Variants in PHACTR2 observed in about 807,000 individuals in gnomAD.
PHACTR2 encodes chromosome 6 open reading frame 56.
PHACTR2 carries 30 observed loss-of-function variants against 76.0 expected under a neutral mutation model. That is an observed-to-expected ratio of 0.39 (90% confidence interval 0.30 to 0.54). The LOEUF is 0.54. Among genes scored for constraint, PHACTR2 ranks in the 20% least tolerant of loss-of-function variants. The pLI is 0.61. For synonymous variants in PHACTR2, 292 were observed against 292.5 expected (o/e 1.00, Z 0.02); for missense variants, 696 against 781.1 (o/e 0.89, Z 1.30).
At position 143,806,973 on chromosome 6, in the gene PHACTR2, G is replaced by A; in HGVS notation, c.1846-84G>A. 16 of 618,876 alleles carry A rather than the reference G, an allele frequency of 2.6e-5. No homozygotes were observed. The highest frequency in any genetic ancestry group is 6.9e-5 in the South Asian group (3 of 43,576). 38.3% of individuals were successfully genotyped at this position (618,876 alleles called of 1,614,324 possible). On this transcript the variant is annotated intron_variant, in intron 11 of 12. Coordinates refer to ENST00000440869, the MANE Select transcript of PHACTR2 (RefSeq NM_001100164.2). The surrounding 1 kb of genome is among the most constrained non-coding windows in gnomAD (Gnocchi z 5.8). ...CTCTATCTCTTAAAAAAAAAAAAAAGGTCTGCTTCATTGATGCTGTATATA... is the reference window on the plus strand; with the variant it reads ...CTCTATCTCTTAAAAAAAAAAAAAAAGTCTGCTTCATTGATGCTGTATATA...
At chr6:143,705,397 C>T (rs894092607) in intron 1 of PHACTR2, among the ~76,000 whole-genome samples, 2 of 149,670 alleles carry the variant, frequency 1.3e-5, no homozygotes, top group Non-Finnish European at 3.0e-5. Context: ...CGGGTTCACG[C>T]CATTCTCCTG....
At position 143,680,466 on chromosome 6, in the gene PHACTR2, G is replaced by A. The variant is rs1005395676; in HGVS notation, c.46+2257G>A. ...CAGAGTTTAATTATTCATACTTATC[G>A]CTCAATTTGGCCTTTTGTAAAAATC... On this transcript the variant is annotated intron_variant, in intron 1 of 12. Coordinates refer to ENST00000440869, the MANE Select transcript of PHACTR2 (RefSeq NM_001100164.2). This position sits in a 1 kb window ranked among gnomAD's most constrained non-coding sequence, Gnocchi z 4.5. Among the ~76,000 whole-genome samples, 6 of 152,182 alleles carry A rather than the reference G, an allele frequency of 3.9e-5. No individual in the cohort carries two copies. In the South Asian group the frequency reaches 1.2e-3, roughly 32 times the overall value.
intron 2 of PHACTR2, among the ~76,000 whole-genome samples, chr6:143,719,812 A>C (rs1778398127): frequency 7.5e-5 from 6 of 80,140 alleles, no homozygotes; most frequent in East Asian, 3.2e-4. Flanking sequence ...TGTGTTCGAC[A>C]CTTTTTTTTT....
Position 143,658,513 on chromosome 6 carries a change from T to C in PHACTR2, c.13+50191T>C, listed in dbSNP as rs1323380757. ...TGATTTTGTCATTGTGTAAACATGA[T>C]AGAGTGTATTTTAACAAACCTGGAT... On this transcript the variant is annotated intron_variant, in intron 1 of 11. Coordinates refer to the PHACTR2 transcript ENST00000305766. The surrounding 1 kb of genome is among the most constrained non-coding windows in gnomAD (Gnocchi z 4.1). Among the ~76,000 whole-genome samples the C allele has an allele frequency of 6.6e-6, 1 of 152,176 alleles. No homozygotes were observed. Among genetic ancestry groups the C allele is most frequent in the Non-Finnish European group, 1.5e-5 (1 of 68,034 alleles).
rs1417992060 is a variant in PHACTR2, at chr6:143,583,673, ATT to A, written c.217+46469_217+46470del. Among the ~76,000 whole-genome samples, 6 of 152,204 alleles carry A rather than the reference ATT, an allele frequency of 3.9e-5. No homozygotes were observed. In the East Asian group the frequency reaches 1.2e-3, roughly 29 times the overall value. ...TAATTTTCCCAGAACTGATAGCTTG[ATT>A]TTGCCAGTTATACACCCAAAGACTT... On this transcript the variant is annotated intron_variant, in intron 1 of 11. Coordinates refer to the PHACTR2 transcript ENST00000367584. The surrounding 1 kb of genome is among the most constrained non-coding windows in gnomAD (Gnocchi z 4.0).
intron 2 of PHACTR2, among the ~76,000 whole-genome samples, chr6:143,712,835 A>T (rs1453570386): frequency 1.3e-5 from 2 of 152,156 alleles, no homozygotes; most frequent in Non-Finnish European, 2.9e-5. Flanking sequence ...TTTGATTGTT[A>T]ATTTAGTTTG....
At position 143,672,369 on chromosome 6, in the gene PHACTR2, G is replaced by C. The variant is rs979322702; in HGVS notation, c.14-39647G>C. On this transcript the variant is annotated intron_variant, in intron 1 of 11. Transcript: ENST00000305766. The surrounding 1 kb of genome is among the most constrained non-coding windows in gnomAD (Gnocchi z 5.8). ...CCAGCTACTCTGGAGGCTGAGGTGG[G>C]AGGATTGCTTGAGCCCAGGAGTTCA... 5.3e-5 allele frequency among the ~76,000 whole-genome samples: 8 copies of C among 152,182 alleles called. No individual in the cohort carries two copies. The highest frequency in any genetic ancestry group is 1.9e-4 in the African/African-American group (8 of 41,524).
chr6:143,551,636 G>A (rs1217492612), intron 1 of PHACTR2, among the ~76,000 whole-genome samples: 1 of 152,096 alleles, frequency 6.6e-6, no homozygotes, highest in African/African-American at 2.4e-5. Context: ...GTTGAACATA[G>A]GGACCTCCTT....
At chr6:143,721,092 A>C (rs1404603620) in intron 2 of PHACTR2, among the ~76,000 whole-genome samples, 1 of 152,212 alleles carries the variant, frequency 6.6e-6, no homozygotes, top group Non-Finnish European at 1.5e-5. Context: ...ATCAAACCAA[A>C]AGTCAGAAAG....
At chr6:143,729,767 T>C (rs1247768054) in intron 2 of PHACTR2, among the ~76,000 whole-genome samples, 3 of 152,204 alleles carry the variant, frequency 2.0e-5, no homozygotes, top group African/African-American at 7.2e-5. Context: ...TTGTCAGATA[T>C]GTTACTTGGT....
chr6:143,622,735 T>TG (rs1562250991), intron 1 of PHACTR2, among the ~76,000 whole-genome samples: 1 of 152,016 alleles, frequency 6.6e-6, no homozygotes, highest in Non-Finnish European at 1.5e-5. Flanking sequence ...CTTGATTTTT[T>TG]TGTGTGTGTG....
chr6:143,744,130 T>C (rs1160589027), intron 2 of PHACTR2, among the ~76,000 whole-genome samples: 1 of 152,178 alleles, frequency 6.6e-6, no homozygotes, highest in African/African-American at 2.4e-5. Context: ...CCTTCTTCAG[T>C]GCATACAGAG....
chr6:143,800,296 C>G lies in PHACTR2; in HGVS notation c.1846-6761C>G, dbSNP rs933060977. 6.6e-6 allele frequency among the ~76,000 whole-genome samples: 1 copy of G among 152,006 alleles called. No homozygotes were observed. Among genetic ancestry groups the G allele is most frequent in the Non-Finnish European group, 1.5e-5 (1 of 68,026 alleles). ...TATTTTTTTGAGACCGAGTCTGGCTCTGTTGCCCAGGCTGGAGTGCAGTGG... is the reference window on the plus strand; with the variant it reads ...TATTTTTTTGAGACCGAGTCTGGCTGTGTTGCCCAGGCTGGAGTGCAGTGG... On this transcript the variant is annotated intron_variant, in intron 11 of 12. Transcript: ENST00000440869. This position sits in a 1 kb window ranked among gnomAD's most constrained non-coding sequence, Gnocchi z 4.8.
At chr6:143,636,111 A>C (rs1447569556) in intron 1 of PHACTR2, among the ~76,000 whole-genome samples, 1 of 66,738 alleles carries the variant, frequency 1.5e-5, no homozygotes, top group African/African-American at 7.8e-5. Context: ...GCTAGTCAGG[A>C]GGCTGAGGCA....
intron 1 of PHACTR2, among the ~76,000 whole-genome samples, chr6:143,600,958 G>T (rs1168369157): frequency 1.3e-5 from 2 of 152,194 alleles, no homozygotes; most frequent in African/African-American, 4.8e-5. Flanking sequence ...ACATGAACAT[G>T]CTACAATACG....
intron 2 of PHACTR2, among the ~76,000 whole-genome samples, chr6:143,725,225 T>TTG (rs1778536549): frequency 1.0e-5 from 1 of 97,792 alleles, no homozygotes; most frequent in Admixed American, 1.0e-4. Flanking sequence ...TTTTTTTTTT[T>TTG]GAGGCGAAGT....
rs555898244 is a variant in PHACTR2 at position 143,641,754 on chromosome 6, C to T, written c.13+33432C>T. On this transcript the variant is annotated intron_variant, in intron 1 of 11. Transcript: ENST00000305766. The surrounding 1 kb of genome is among the most constrained non-coding windows in gnomAD (Gnocchi z 5.8). ...CTCCCAACCTCAGGTGATCCACTGG[C>T]CTCAGCCTCCGAAAGTGCTGGGATT... Among the ~76,000 whole-genome samples, 7 of 152,242 alleles carry T rather than the reference C, an allele frequency of 4.6e-5. No individual in the cohort carries two copies. The East Asian group carries it at 1.2e-3, about 25-fold the overall frequency.
chr6:143,627,228 A>C lies in PHACTR2; in HGVS notation c.13+18906A>C, dbSNP rs551639760. 3.9e-4 allele frequency among the ~76,000 whole-genome samples: 60 copies of C among 152,250 alleles called. No individual in the cohort carries two copies. Among genetic ancestry groups the C allele is most frequent in the South Asian group, 1.7e-3 (8 of 4,830 alleles). On this transcript the variant is annotated intron_variant, in intron 1 of 11. Transcript: ENST00000305766. The surrounding 1 kb of genome is among the most constrained non-coding windows in gnomAD (Gnocchi z 4.3). The stretch of plus-strand genomic sequence containing the variant: ...GCTGGGATGTTTGAAGAACAGGTTC[A>C]AGTTTGCTAGGCAGAGGGAAATGTG...
intron 11 of PHACTR2, among the ~76,000 whole-genome samples, chr6:143,792,281 G>A (rs189027831): frequency 6.6e-6 from 1 of 151,918 alleles, no homozygotes; most frequent in South Asian, 2.1e-4. Flanking sequence ...TACATTTAAA[G>A]CAGTTTTTAG....
Sources: gnomAD v4.1 joint callset for allele counts (sites outside exome capture counted in the v4.1 genomes callset) on GRCh38, gnomAD v4.1.1 for gene constraint, Gnocchi (gnomAD v3.1) non-coding constraint, MANE v1.5 for transcripts, NCBI Gene and HGNC (gene_info 2026-07-23, HGNC 2026-07-21) for gene names.